The following ZFYVE28 variants were observed in gnomAD, a reference collection of about 807,000 sequenced individuals.
ZFYVE28 encodes lateral signaling target protein 2 homolog.
ZFYVE28 carries 40 observed loss-of-function variants against 82.1 expected under a neutral mutation model. The ratio of observed to expected loss-of-function variants is 0.49; its 90% CI spans 0.38 to 0.63. ZFYVE28 has a LOEUF of 0.63. Among genes scored for constraint, ZFYVE28 ranks in the 30% least tolerant of loss-of-function variants. The probability of loss-of-function intolerance (pLI) is 0.00; values close to 1 mark genes in which losing one functional copy is unlikely to be tolerated. For synonymous variants in ZFYVE28, 612 were observed against 546.1 expected, an observed-to-expected ratio of 1.12 and a Z score of -1.68; for missense variants, 1,321 against 1,242.1, an observed-to-expected ratio of 1.06 and a Z score of -0.96.
intron 1 of ZFYVE28, among the ~76,000 whole-genome samples, chr4:2,368,595 G>A (rs1727171634): frequency 6.6e-6 from 1 of 152,140 alleles, no homozygotes; most frequent in African/African-American, 2.4e-5. Context: ...ACGAAATGGG[G>A]CATTTTGTGT....
At chr4:2,373,715 TC>T (rs1216407533) in intron 1 of ZFYVE28, among the ~76,000 whole-genome samples, 1 of 152,000 alleles carries the variant, frequency 6.6e-6, no homozygotes, top group African/African-American at 2.4e-5. Flanking sequence ...GAATCTCCGT[TC>T]CCCACGGAGC....
At chr4:2,314,903 T>C (rs1428634248) in intron 7 of ZFYVE28, among the ~76,000 whole-genome samples, 1 of 152,124 alleles carries the variant, frequency 6.6e-6, no homozygotes, top group Non-Finnish European at 1.5e-5. Flanking sequence ...CTTAGCCTCC[T>C]GAGTAAGATG....
chr4:2,381,106 G>C (rs1728688302), intron 1 of ZFYVE28, among the ~76,000 whole-genome samples: 1 of 152,218 alleles, frequency 6.6e-6, no homozygotes, highest in Non-Finnish European at 1.5e-5. Flanking sequence ...CCAGATGCCT[G>C]ATAGCAACAT....
chr4:2,339,652 G>T lies in ZFYVE28; in HGVS notation c.322C>A (p.Leu108Met). ...TTCATGATGATGGAGCCGGCGGCCAGGCACTGCGGGAGGGGACACACTCAG... is the reference window on the plus strand; with the variant it reads ...TTCATGATGATGGAGCCGGCGGCCATGCACTGCGGGAGGGGACACACTCAG... The part of the protein sequence containing the change: ...AGQLWFGAEC[L>M]AAGSIIMNRE... Residue 108 changes from leucine (L) to methionine (M), a missense_variant, in exon 4 of 13, where the codon CTG becomes ATG. Coordinates refer to ENST00000290974, the MANE Select transcript of ZFYVE28 (RefSeq NM_020972.3). This position sits in a 1 kb window ranked among gnomAD's most constrained non-coding sequence, Gnocchi z 5.0. 6.3e-7 allele frequency: 1 copy of T among 1,595,128 alleles called. No individual in the cohort carries two copies.
chr4:2,273,360 G>A lies in ZFYVE28; in HGVS notation c.2207-71C>T, dbSNP rs1736090966. On this transcript the variant is annotated intron_variant, in intron 9 of 12. Transcript: ENST00000290974. ...AGGAACTGCGGAGGTCGGTGCTGCG[G>A]GCTGGGCAGACCCAGCCAGAGCTCA... 3 of 1,403,798 alleles carry A rather than the reference G, an allele frequency of 2.1e-6. No individual in the cohort carries two copies. In the East Asian group the frequency reaches 6.9e-5, roughly 32 times the overall value. 87.0% of individuals were successfully genotyped at this position (1,403,798 alleles called of 1,614,324 possible). A position where few individuals can be genotyped will look rare whatever the true frequency, so the allele number is the denominator to read the frequency against.
Position 2,341,372 on chromosome 4 carries a change from G to C in ZFYVE28, c.318+106C>G, listed in dbSNP as rs1004294916. 2 of 1,466,660 alleles carry C rather than the reference G, an allele frequency of 1.4e-6. No individual in the cohort carries two copies. Among genetic ancestry groups the C allele is most frequent in the Non-Finnish European group, 9.3e-7 (1 of 1,078,936 alleles). 90.9% of individuals were successfully genotyped at this position (1,466,660 alleles called of 1,614,324 possible). A position where few individuals can be genotyped will look rare whatever the true frequency, so the allele number is the denominator to read the frequency against. On this transcript the variant is annotated intron_variant, in intron 3 of 12. Coordinates refer to ENST00000290974, the MANE Select transcript of ZFYVE28 (RefSeq NM_020972.3). This position sits in a 1 kb window ranked among gnomAD's most constrained non-coding sequence, Gnocchi z 4.5. The stretch of plus-strand genomic sequence containing the variant: ...CAGAGTGGACGGAGCTCTTGGAGGA[G>C]ACACCAGGTCCCGGCACCTGCAGGC...
At chr4:2,288,327 C>T (rs1012057628) in intron 8 of ZFYVE28, among the ~76,000 whole-genome samples, 6 of 152,336 alleles carry the variant, frequency 3.9e-5, no homozygotes, top group South Asian at 4.1e-4. Flanking sequence ...GACACTAGAA[C>T]GGAACCTCAT....
intron 7 of ZFYVE28, among the ~76,000 whole-genome samples, chr4:2,318,458 T>C (rs368912253): frequency 1.3e-5 from 2 of 152,152 alleles, no homozygotes; most frequent in African/African-American, 4.8e-5. Flanking sequence ...CTCAGGAGGC[T>C]GAGGCAGGAG....
chr4:2,327,389 T>C lies in ZFYVE28; in HGVS notation c.702-7118A>G, dbSNP rs368987259. 1.2e-3 allele frequency among the ~76,000 whole-genome samples: 176 copies of C among 150,486 alleles called. No individual in the cohort carries two copies. In the South Asian group the frequency reaches 0.014, roughly 12 times the overall value. ...CCTTTTCTTTCTTTCTCTTGCCTAATTGCTTTGGCAAGGACTTTCAATACT... is the reference window on the plus strand; with the variant it reads ...CCTTTTCTTTCTTTCTCTTGCCTAACTGCTTTGGCAAGGACTTTCAATACT... On this transcript the variant is annotated intron_variant, in intron 6 of 12. Transcript: ENST00000290974.
intron 6 of ZFYVE28, among the ~76,000 whole-genome samples, chr4:2,323,645 A>C: frequency 1.3e-5 from 2 of 150,034 alleles, no homozygotes; most frequent in East Asian, 2.0e-4. Context: ...TGCACCCATT[A>C]ACTCGTCATC....
At chr4:2,296,243 C>G (rs927144138) in intron 8 of ZFYVE28, among the ~76,000 whole-genome samples, 2 of 152,216 alleles carry the variant, frequency 1.3e-5, no homozygotes, top group Admixed American at 1.3e-4. Flanking sequence ...ATCCAGGCCA[C>G]CACTCAGGGC....
intron 8 of ZFYVE28, chr4:2,286,306 C>T (rs1712730833): frequency 6.6e-6 from 1 of 152,358 alleles, no homozygotes; most frequent in Non-Finnish European, 1.5e-5. Flanking sequence ...GGGAGGATGC[C>T]AAAAAGGCAG....
intron 6 of ZFYVE28, chr4:2,324,649 C>CTG (rs1296002614): frequency 9.0e-5 from 16 of 178,240 alleles, no homozygotes; most frequent in African/African-American, 3.1e-4. Flanking sequence ...ACAGAGGAAC[C>CTG]TGTGTATAGC....
intron 1 of ZFYVE28, among the ~76,000 whole-genome samples, chr4:2,387,185 A>AG (rs1314508169): frequency 6.6e-6 from 1 of 152,154 alleles, no homozygotes; most frequent in Non-Finnish European, 1.5e-5. Context: ...CCAGCGGCCT[A>AG]GGGTCCCCCA....
At chr4:2,281,075 G>A (rs1358391254) in intron 8 of ZFYVE28, among the ~76,000 whole-genome samples, 1 of 152,206 alleles carries the variant, frequency 6.6e-6, no homozygotes, top group Middle Eastern at 3.2e-3. Flanking sequence ...CCACAGGAAA[G>A]GCCCTCTCCT....
At chr4:2,308,677 G>GAAAGAAATAA (rs1176221450) in intron 7 of ZFYVE28, among the ~76,000 whole-genome samples, 1 of 76,490 alleles carries the variant, frequency 1.3e-5, no homozygotes, top group Non-Finnish European at 2.5e-5. Context: ...AAGAAAGAAA[G>GAAAGAAATAA]AGAAAGAAAG....
intron 1 of ZFYVE28, among the ~76,000 whole-genome samples, chr4:2,375,736 C>T (rs566726882): frequency 2.0e-5 from 3 of 152,330 alleles, no homozygotes; most frequent in African/African-American, 2.4e-5. Flanking sequence ...CAAGGGGCAT[C>T]CCACTGACAG....
At chr4:2,366,132 G>C (rs896314484) in intron 1 of ZFYVE28, among the ~76,000 whole-genome samples, 9 of 152,242 alleles carry the variant, frequency 5.9e-5, no homozygotes, top group Non-Finnish European at 7.3e-5. Context: ...AGAGACTTCT[G>C]GGGGGAGTGC....
chr4:2,342,311 G>A (rs1480889925), intron 2 of ZFYVE28, among the ~76,000 whole-genome samples: 1 of 152,184 alleles, frequency 6.6e-6, no homozygotes, highest in Non-Finnish European at 1.5e-5. Context: ...CATCCCTCAT[G>A]GCTGTTCAAC....
Sources: allele counts gnomAD v4.1 joint callset (sites outside exome capture counted in the v4.1 genomes callset), GRCh38; gene constraint gnomAD v4.1.1; non-coding constraint Gnocchi (gnomAD v3.1); transcripts MANE v1.5; gene names NCBI Gene and HGNC (gene_info 2026-07-23, HGNC 2026-07-21).